The following RBPJ variants were observed in gnomAD, a reference collection of about 807,000 sequenced individuals.
The protein encoded by RBPJ is recombining binding protein suppressor of hairless.
Under a neutral mutation model 67.8 loss-of-function variants are expected in RBPJ, and 9 were observed. The ratio of observed to expected loss-of-function variants is 0.13; its 90% confidence interval spans 0.08 to 0.23. RBPJ has a LOEUF of 0.23. RBPJ is among the 10% of genes least tolerant of loss of function. The pLI, the probability that RBPJ is intolerant of heterozygous loss-of-function variation, is 1.00. For synonymous variants in RBPJ, 198 were observed against 203.3 expected (o/e 0.97, Z 0.22); for missense variants, 305 against 595.6 (o/e 0.51, Z 5.08).
At chr4:26,201,596 CA>C (rs1717982682) in intron 1 of RBPJ, among the ~76,000 whole-genome samples, 1 of 152,182 alleles carries the variant, frequency 6.6e-6, no homozygotes, top group Non-Finnish European at 1.5e-5. Flanking sequence ...TTTTCACCCT[CA>C]ACACACATGA....
chr4:26,406,607 C>T (rs1054327972), intron 3 of RBPJ, among the ~76,000 whole-genome samples: 4 of 152,226 alleles, frequency 2.6e-5, no homozygotes, highest in African/African-American at 7.2e-5. Flanking sequence ...TTGTCCCTTA[C>T]GCATTTGGGT....
chr4:26,125,945 C>T, the RBPJ span, among the ~76,000 whole-genome samples: 9 of 152,108 alleles, frequency 5.9e-5, no homozygotes, highest in African/African-American at 1.4e-4. Flanking sequence ...TCCAGGTGTG[C>T]GGATGGGGAT....
At chr4:26,346,443 C>A (rs1726155712) in intron 1 of RBPJ, among the ~76,000 whole-genome samples, 1 of 152,126 alleles carries the variant, frequency 6.6e-6, no homozygotes, top group Non-Finnish European at 1.5e-5. Flanking sequence ...TTGGCAGGTG[C>A]CATCTTATCT....
At chr4:26,125,404 A>G in the RBPJ span, among the ~76,000 whole-genome samples, 1 of 152,194 alleles carries the variant, frequency 6.6e-6, no homozygotes, top group Non-Finnish European at 1.5e-5. Context: ...GTATCCTGTA[A>G]TCTCTGAGTA....
chr4:26,309,474 G>A (rs1177403143), intron 1 of RBPJ, among the ~76,000 whole-genome samples: 1 of 152,148 alleles, frequency 6.6e-6, no homozygotes, highest in Non-Finnish European at 1.5e-5. Flanking sequence ...GTTATTTTAT[G>A]TAATACCTCA....
upstream of RBPJ, chr4:26,319,854 A>T: frequency 6.3e-7 from 1 of 1,598,590 alleles, no homozygotes; most frequent in East Asian, 2.2e-5. Context: ...CTAGGAAAGG[A>T]AAGAGCAAAG....
intron 1 of RBPJ, among the ~76,000 whole-genome samples, chr4:26,322,476 G>T (rs975092596): frequency 6.8e-4 from 104 of 152,198 alleles, no homozygotes; most frequent in African/African-American, 2.4e-3. Flanking sequence ...TTAATCATTA[G>T]ATAGTTTACA....
intron 1 of RBPJ, among the ~76,000 whole-genome samples, chr4:26,204,423 T>C (rs971831873): frequency 1.3e-5 from 2 of 152,188 alleles, no homozygotes; most frequent in African/African-American, 2.4e-5. Flanking sequence ...CAGGAAATGA[T>C]TTGCAGAGGA....
chr4:26,147,724 TTCTCCAAGAAAA>T, the RBPJ span, among the ~76,000 whole-genome samples: 3 of 152,144 alleles, frequency 2.0e-5, no homozygotes, highest in Non-Finnish European at 4.4e-5. Context: ...GTTCAAGCCA[TTCTCCAAGAAAA>T]ACTTTTTAAA....
At chr4:26,271,571 G>A (rs1214299684) in intron 1 of RBPJ, among the ~76,000 whole-genome samples, 1 of 151,894 alleles carries the variant, frequency 6.6e-6, no homozygotes. Context: ...CCCCAGGAGG[G>A]GATTCATGAC....
chr4:26,332,693 C>G (rs1000688052), intron 1 of RBPJ, among the ~76,000 whole-genome samples: 11 of 152,142 alleles, frequency 7.2e-5, no homozygotes, highest in Admixed American at 2.0e-4. Context: ...CTTTGCTACC[C>G]AGACTGGAGT....
chr4:26,124,464 C>CTATATATATATATA, the RBPJ span, among the ~76,000 whole-genome samples: 1 of 70,970 alleles, frequency 1.4e-5, no homozygotes, highest in Non-Finnish European at 2.6e-5. Flanking sequence ...ATATATATAC[C>CTATATATATATATA]AGTTTCTTTA....
chr4:26,394,284 C>A (rs980318964), intron 2 of RBPJ, among the ~76,000 whole-genome samples: 1 of 152,100 alleles, frequency 6.6e-6, no homozygotes, highest in East Asian at 1.9e-4. Context: ...TCCTTGGCCT[C>A]CCAAAATGCT....
At position 26,431,033 on chromosome 4, in the gene RBPJ, A is replaced by C. The variant is rs1736167955; in HGVS notation, c.*26A>C. ...CTACCGTCTTTTTGCTAGGACTTAAACTGACTTGAGTGTGGCAAAAAGTTA... is the reference window on the plus strand; with the variant it reads ...CTACCGTCTTTTTGCTAGGACTTAACCTGACTTGAGTGTGGCAAAAAGTTA... On this transcript the variant is annotated 3_prime_UTR_variant, in exon 11 of 11. Coordinates refer to ENST00000355476, the MANE Select transcript of RBPJ (RefSeq NM_015874.6). 2.5e-6 allele frequency: 4 copies of C among 1,595,116 alleles called. No homozygotes were observed. In the East Asian group the frequency reaches 9.0e-5, roughly 36 times the overall value.
intron 1 of RBPJ, among the ~76,000 whole-genome samples, chr4:26,191,180 A>AATATATAT (rs1245359104): frequency 5.0e-5 from 3 of 59,704 alleles, no homozygotes; most frequent in Non-Finnish European, 2.8e-5. Flanking sequence ...AAAAAAAAAA[A>AATATATAT]ATATATATAT....
chr4:26,206,060 G>A (rs1473746587), intron 1 of RBPJ, among the ~76,000 whole-genome samples: 1 of 151,986 alleles, frequency 6.6e-6, no homozygotes, highest in Non-Finnish European at 1.5e-5. Flanking sequence ...AAAATAAGTG[G>A]ATAATATGGT....
intron 1 of RBPJ, among the ~76,000 whole-genome samples, chr4:26,372,170 A>C (rs1280899969): frequency 6.6e-6 from 1 of 152,230 alleles, no homozygotes; most frequent in Non-Finnish European, 1.5e-5. Flanking sequence ...ATGAGACTTC[A>C]TCTAATCTTA....
At chr4:26,303,217 TAATAAATGAATAA>T (rs1722131436) in intron 1 of RBPJ, among the ~76,000 whole-genome samples, 1 of 132,116 alleles carries the variant, frequency 7.6e-6, no homozygotes, top group Admixed American at 7.9e-5. Context: ...AATAAATAAA[TAATAAATGAATAA>T]ATATATATAT....
intron 1 of RBPJ, among the ~76,000 whole-genome samples, chr4:26,312,321 C>T (rs1001830437): frequency 3.9e-5 from 6 of 152,024 alleles, no homozygotes; most frequent in Admixed American, 1.3e-4. Flanking sequence ...TTAGTAGAAA[C>T]GGGGTTTCAC....
Sources: gnomAD v4.1 joint callset for allele counts (sites outside exome capture counted in the v4.1 genomes callset) on GRCh38, gnomAD v4.1.1 for gene constraint, MANE v1.5 for transcripts, NCBI Gene and HGNC (gene_info 2026-07-23, HGNC 2026-07-21) for gene names.